The following COL14A1 variants were observed in gnomAD, a reference collection of about 807,000 sequenced individuals.
The protein encoded by COL14A1 is collagen alpha-1(XIV) chain.
Under a neutral mutation model 230.3 loss-of-function variants are expected in COL14A1, and 136 were observed. That is an observed-to-expected ratio of 0.59 (90% CI 0.51 to 0.68). The LOEUF is 0.68. Ranked by LOEUF, COL14A1 falls within the 30% of genes least tolerant of loss-of-function variation. The probability of loss-of-function intolerance (pLI) is 0.00; values close to 1 mark genes in which losing one functional copy is unlikely to be tolerated. For missense variants in COL14A1, 1,976 were observed against 2,215.8 expected (o/e 0.89, Z 2.17); for synonymous variants, 792 against 784.1 (o/e 1.01, Z -0.17).
intron 45 of COL14A1, among the ~76,000 whole-genome samples, chr8:120,357,251 G>A (rs1377489565): frequency 6.6e-6 from 1 of 152,162 alleles, no homozygotes; most frequent in Non-Finnish European, 1.5e-5. Flanking sequence ...ACTGGAGCTG[G>A]TGCATCTGTT....
chr8:120,128,428 G>A (rs541494737), intron 1 of COL14A1, among the ~76,000 whole-genome samples: 1 of 152,142 alleles, frequency 6.6e-6, no homozygotes, highest in South Asian at 2.1e-4. Flanking sequence ...CACAAAGACA[G>A]CAAGTGACAG....
At chr8:120,266,472 A>T (rs1819503473) in intron 24 of COL14A1, among the ~76,000 whole-genome samples, 1 of 152,088 alleles carries the variant, frequency 6.6e-6, no homozygotes, top group South Asian at 2.1e-4. Context: ...CAGAATGGAA[A>T]TGAAGTTTAT....
chr8:120,364,313 C>T (rs1823328483), intron 45 of COL14A1, among the ~76,000 whole-genome samples: 1 of 152,092 alleles, frequency 6.6e-6, no homozygotes, highest in Non-Finnish European at 1.5e-5. Flanking sequence ...ACTTGATTTC[C>T]CTCCTTTTAA....
At position 120,231,388 on chromosome 8, in the gene COL14A1, C is replaced by A; in HGVS notation, c.2198-79C>A. ...ATACATTAAATGATGCTTGCTGTCACCCCACAGGTATTCTCTGTGGCTCAT... is the reference window on the plus strand; with the variant it reads ...ATACATTAAATGATGCTTGCTGTCAACCCACAGGTATTCTCTGTGGCTCAT... On this transcript the variant is annotated intron_variant, in intron 18 of 47. Transcript: ENST00000297848. The A allele has an allele frequency of 3.5e-6, 5 of 1,447,428 alleles. No homozygotes were observed. In the South Asian group the frequency reaches 5.2e-5, roughly 15 times the overall value. The allele number at this position is 1,447,428 out of a possible 1,614,324, so 89.7% of individuals were successfully genotyped here. A position where few individuals can be genotyped will look rare whatever the true frequency, so the allele number is the denominator to read the frequency against.
chr8:120,293,551 T>A (rs1047199083), intron 34 of COL14A1, among the ~76,000 whole-genome samples: 1 of 151,836 alleles, frequency 6.6e-6, no homozygotes, highest in Non-Finnish European at 1.5e-5. Flanking sequence ...ATAGAGAAAC[T>A]GAGACTTTAA....
chr8:120,301,119 C>T (rs775931587), intron 36 of COL14A1, among the ~76,000 whole-genome samples: 1 of 152,218 alleles, frequency 6.6e-6, no homozygotes, highest in South Asian at 2.1e-4. Context: ...GGTTAATTTT[C>T]GGTGTGAATA....
chr8:120,255,191 T>C (rs1327667704), intron 22 of COL14A1, 49 bp from the exon 23 acceptor site: 1 of 1,420,256 alleles, frequency 7.0e-7, no homozygotes, highest in African/African-American at 1.4e-5. Context: ...TCAGGGATGC[T>C]TGTGTGTTGT....
chr8:120,247,849 T>C, intron 21 of COL14A1, 114 bp downstream of exon 21: 1 of 1,280,744 alleles, frequency 7.8e-7, no homozygotes, highest in Non-Finnish European at 1.1e-6. Flanking sequence ...TTTAAAGAAG[T>C]AGGGAGAACC....
chr8:120,186,837 G>A (rs1281315476), intron 5 of COL14A1, among the ~76,000 whole-genome samples: 1 of 152,144 alleles, frequency 6.6e-6, no homozygotes, highest in Non-Finnish European at 1.5e-5. Context: ...AGATGACCCA[G>A]ATAAAGTGGC....
At chr8:120,126,035 T>G (rs1190313648) in intron 1 of COL14A1, among the ~76,000 whole-genome samples, 1 of 152,192 alleles carries the variant, frequency 6.6e-6, no homozygotes, top group African/African-American at 2.4e-5. Context: ...GGTTGCGGTT[T>G]TGAGAGAGGC....
intron 40 of COL14A1, among the ~76,000 whole-genome samples, chr8:120,318,406 G>A (rs1024367932): frequency 1.3e-5 from 2 of 152,140 alleles, no homozygotes; most frequent in Non-Finnish European, 2.9e-5. Flanking sequence ...CAGTAGAGAA[G>A]GAAAGAAGAA....
intron 25 of COL14A1, 42 bp from the exon 26 acceptor site, chr8:120,269,993 T>G: frequency 1.9e-6 from 3 of 1,606,792 alleles, no homozygotes; most frequent in Non-Finnish European, 1.7e-6. Context: ...ACTACTAACT[T>G]TTCCCCTTAT....
At chr8:120,135,194 C>T (rs1639010237) in intron 1 of COL14A1, among the ~76,000 whole-genome samples, 1 of 152,070 alleles carries the variant, frequency 6.6e-6, no homozygotes, top group African/African-American at 2.4e-5. Flanking sequence ...GAAAAATAGA[C>T]ACATATACTT....
intron 24 of COL14A1, among the ~76,000 whole-genome samples, chr8:120,264,710 GC>G (rs1819453329): frequency 6.6e-6 from 1 of 152,070 alleles, no homozygotes; most frequent in Non-Finnish European, 1.5e-5. Context: ...AGAATATCTT[GC>G]AGCACTAAGT....
At chr8:120,157,320 A>T (rs1308814758) in intron 2 of COL14A1, among the ~76,000 whole-genome samples, 3 of 152,174 alleles carry the variant, frequency 2.0e-5, no homozygotes, top group Admixed American at 1.3e-4. Flanking sequence ...ATTTTCTCAA[A>T]TGTTTTTAAA....
chr8:120,303,621 T>G (rs1343693120), intron 36 of COL14A1, among the ~76,000 whole-genome samples: 2 of 152,226 alleles, frequency 1.3e-5, no homozygotes, highest in African/African-American at 2.4e-5. Context: ...TTTGATGTGC[T>G]GCTGGATTCA....
intron 14 of COL14A1, among the ~76,000 whole-genome samples, chr8:120,222,234 A>G (rs1817954168): frequency 1.3e-5 from 2 of 152,362 alleles, no homozygotes; most frequent in South Asian, 4.1e-4. Context: ...AAGCATGCAG[A>G]CAGTTTGCAG....
chr8:120,281,143 T>A, intron 31 of COL14A1, 84 bp downstream of exon 31: 1 of 1,245,200 alleles, frequency 8.0e-7, no homozygotes, highest in Non-Finnish European at 1.1e-6. Flanking sequence ...AAATATGGTG[T>A]AATAGTCCCA....
At chr8:120,124,761 C>A (rs1033399831), upstream of COL14A1, among the ~76,000 whole-genome samples, 1 of 152,118 alleles carries the variant, frequency 6.6e-6, no homozygotes, top group African/African-American at 2.4e-5. Flanking sequence ...GCACACAGCA[C>A]CTGAGAACAG....
Sources: allele counts gnomAD v4.1 joint callset (sites outside exome capture counted in the v4.1 genomes callset), GRCh38; gene constraint gnomAD v4.1.1; transcripts MANE v1.5; gene names NCBI Gene and HGNC (gene_info 2026-07-23, HGNC 2026-07-21).